SIRT1: variants seen among roughly 807,000 people sequenced by gnomAD.
The protein encoded by SIRT1 is NAD-dependent protein deacetylase sirtuin-1.
A neutral mutation model predicts 67.9 loss-of-function variants in SIRT1; 24 were observed. That is an observed-to-expected ratio of 0.35 (90% confidence interval 0.26 to 0.50). The LOEUF (loss-of-function observed/expected upper bound fraction) is 0.50. Among genes scored for constraint, SIRT1 ranks in the 20% least tolerant of loss-of-function variants. The probability of loss-of-function intolerance (pLI) is 0.98; values close to 1 mark genes in which losing one functional copy is unlikely to be tolerated. For synonymous variants in SIRT1, 378 were observed against 350.7 expected, an observed-to-expected ratio of 1.08 and a Z score of -0.87; for missense variants, 873 against 937.2, an observed-to-expected ratio of 0.93 and a Z score of 0.89.
intron 5 of SIRT1, 25 bp downstream of exon 5, chr10:67,906,962 C>G: frequency 6.6e-7 from 1 of 1,525,442 alleles, no homozygotes; most frequent in African/African-American, 1.4e-5. Flanking sequence ...GAGTGGTTTT[C>G]TGTAATTTAT....
In SIRT1 at chr10:67,909,302, T is replaced by C. The variant is rs1715837367; in HGVS notation, c.1217T>C (p.Ile406Thr). 1 of 1,612,878 alleles carries C rather than the reference T, an allele frequency of 6.2e-7. No homozygotes were observed. Among genetic ancestry groups the C allele is most frequent in the Non-Finnish European group, 8.5e-7 (1 of 1,179,656 alleles). The change falls in exon 7 of 9, where the codon ATC (isoleucine) becomes ACC (threonine). Residue 406 changes from isoleucine to threonine, a missense_variant. Physicochemically the swap from Ile to Thr is moderately conservative, Grantham distance 89. This residue lies in a region of SIRT1 where 251 missense variants were observed against 358.8 expected (regional missense o/e 0.70). Transcript: ENST00000212015. ...TGCCCAGCTGATGAACCGCTTGCTA[T>C]CATGAAACCAGAGATTGTGTTTTTT... is the stretch of plus-strand genomic sequence containing the variant. ...PRCPADEPLA[I>T]MKPEIVFFGE...
chr10:67,891,299 A>T, intron 3 of SIRT1, 103 bp from the exon 4 acceptor site: 2 of 990,802 alleles, frequency 2.0e-6, no homozygotes, highest in Non-Finnish European at 3.0e-6. Flanking sequence ...TTCAGACTAA[A>T]ATTTTCTTTC....
chr10:67,905,202 C>A (rs10997868), intron 4 of SIRT1, among the ~76,000 whole-genome samples: 71,267 of 152,072 alleles, frequency 0.47, 20,722 homozygotes, highest in Non-Finnish European at 0.66. Context: ...CCAGAGGGAG[C>A]TTTAATGAGA....
At chr10:67,892,349 T>A (rs1240748968) in intron 4 of SIRT1, among the ~76,000 whole-genome samples, 1 of 152,108 alleles carries the variant, frequency 6.6e-6, no homozygotes, top group Non-Finnish European at 1.5e-5. Flanking sequence ...GGTGGGAGGA[T>A]CAGTTGAGCC....
At position 67,912,578 on chromosome 10, in the gene SIRT1, G is replaced by C. The variant is rs771126114; in HGVS notation, c.1462G>C (p.Glu488Gln). The C allele has an allele frequency of 8.1e-6, 13 of 1,614,060 alleles. No individual in the cohort carries two copies. The South Asian group carries it at 1.4e-4, about 18-fold the overall frequency. The change falls in exon 8 of 9, where the codon GAA becomes CAA. Residue 488 changes from glutamate (E) to glutamine (Q), a missense_variant. Glu to Gln is a conservative substitution (Grantham distance 29, BLOSUM62 2). Around this residue, in one of 3 missense-constraint regions of SIRT1, gnomAD observed 251 missense variants for 358.8 expected, o/e 0.70. Transcript: ENST00000212015. ...LLGDCDVIIN[E>Q]LCHRLGGEYA... ...TGGAGACTGTGATGTCATAATTAAT[G>C]AATTGTGTCATAGGTTAGGTGGTGA...
intron 4 of SIRT1, among the ~76,000 whole-genome samples, chr10:67,895,257 T>TA (rs896063608): frequency 6.6e-6 from 1 of 151,950 alleles, no homozygotes; most frequent in African/African-American, 2.4e-5. Context: ...CCGTCTCTAA[T>TA]AAAAAATACA....
intron 4 of SIRT1, among the ~76,000 whole-genome samples, chr10:67,892,956 A>T (rs1310957780): frequency 6.6e-6 from 1 of 152,236 alleles, no homozygotes; most frequent in East Asian, 1.9e-4. Context: ...TATGTCTCAC[A>T]TTATGTACCT....
chr10:67,896,465 A>G (rs1419263553), intron 4 of SIRT1, among the ~76,000 whole-genome samples: 12 of 152,046 alleles, frequency 7.9e-5, no homozygotes, highest in Non-Finnish European at 4.4e-5. Flanking sequence ...TTTATTTGCT[A>G]TGGGGAACTT....
intron 4 of SIRT1, among the ~76,000 whole-genome samples, chr10:67,903,639 G>A (rs761797362): frequency 6.6e-6 from 1 of 152,020 alleles, no homozygotes; most frequent in East Asian, 1.9e-4. Flanking sequence ...CGCCGACCTC[G>A]GCCACCCAAA....
chr10:67,891,024 T>C (rs1361865216), intron 3 of SIRT1, among the ~76,000 whole-genome samples: 2 of 132,358 alleles, frequency 1.5e-5, no homozygotes, highest in Non-Finnish European at 3.1e-5. Context: ...TGTGAGACTC[T>C]GTCTCAAAAA....
intron 8 of SIRT1, among the ~76,000 whole-genome samples, chr10:67,914,680 A>T (rs1200115287): frequency 6.6e-6 from 1 of 152,044 alleles, no homozygotes; most frequent in Non-Finnish European, 1.5e-5. Context: ...CAGGAAACAG[A>T]GTTAACCTGG....
intron 4 of SIRT1, among the ~76,000 whole-genome samples, chr10:67,904,131 T>TG (rs1056402126): frequency 2.8e-3 from 405 of 143,390 alleles, no homozygotes; most frequent in African/African-American, 9.7e-3. Flanking sequence ...TTGTTTGTTT[T>TG]TTTTTTTTTT....
intron 4 of SIRT1, among the ~76,000 whole-genome samples, chr10:67,894,784 A>C (rs576886247): frequency 6.6e-6 from 1 of 152,040 alleles, no homozygotes; most frequent in Non-Finnish European, 1.5e-5. Context: ...ATCTCGGCTC[A>C]CTGCATCCTC....
intron 8 of SIRT1, among the ~76,000 whole-genome samples, chr10:67,915,738 TAACAC>T (rs142214266): frequency 0.029 from 4,468 of 152,326 alleles, 80 homozygotes; most frequent in Middle Eastern, 0.044. Context: ...AGAAGCTACT[TAACAC>T]AAATTGGGTA....
intron 8 of SIRT1, among the ~76,000 whole-genome samples, chr10:67,915,191 A>G (rs1462001353): frequency 6.6e-6 from 1 of 152,164 alleles, no homozygotes; most frequent in Non-Finnish European, 1.5e-5. Context: ...GCAGTATGAA[A>G]AAGTTCGAGA....
In SIRT1 at chr10:67,885,115, G is replaced by A. The variant is rs1427006382; in HGVS notation, c.394G>A (p.Glu132Lys). 2.1e-6 allele frequency: 3 copies of A among 1,443,504 alleles called. No homozygotes were observed. Among genetic ancestry groups the A allele is most frequent in the Non-Finnish European group, 2.7e-6 (3 of 1,093,404 alleles). The allele number at this position is 1,443,504 out of a possible 1,614,324, so 89.4% of individuals were successfully genotyped here. The change falls in exon 1 of 9, where the codon GAG becomes AAG. Residue 132 changes from glutamate to lysine, a missense_variant. Coordinates refer to ENST00000212015, the MANE Select transcript of SIRT1 (RefSeq NM_012238.5). ...DEDDDDEGEE[E>K]EEAAAAAIGY... The stretch of plus-strand genomic sequence containing the variant: ...AGACGACGACGACGAGGGCGAGGAG[G>A]AGGAAGAGGCGGCGGCGGCGGCGAT...
At chr10:67,909,142 G>T (rs912902432) in intron 6 of SIRT1, 114 bp from the exon 7 acceptor site, 11 of 629,184 alleles carry the variant, frequency 1.7e-5, no homozygotes, top group East Asian at 6.6e-5. Flanking sequence ...TTTCTGTTTT[G>T]TTTTTTTTTT....
chr10:67,912,677 T>C lies in SIRT1; in HGVS notation c.1561T>C (p.Leu521=), dbSNP rs1252116412. 1.2e-6 allele frequency: 2 copies of C among 1,614,012 alleles called. No homozygotes were observed. Among genetic ancestry groups the C allele is most frequent in the African/African-American group, 2.7e-5 (2 of 74,914 alleles). Residue 521 remains leucine (L), a synonymous_variant, in exon 8 of 9, where the codon TTG becomes CTG. Transcript: ENST00000212015. ...AAAACCTCCACGAACACAAAAAGAA[T>C]TGGCTTATTTGTCAGAGTTGCCACC... The part of the protein sequence containing the change: ...TEKPPRTQKE[L]AYLSELPPTP...
intron 3 of SIRT1, among the ~76,000 whole-genome samples, chr10:67,889,547 A>C (rs539078955): frequency 6.6e-6 from 1 of 152,264 alleles, no homozygotes; most frequent in South Asian, 2.1e-4. Context: ...ACAGATTCCT[A>C]CCTTCCCTCC....
Sources: gnomAD v4.1 joint callset for allele counts (sites outside exome capture counted in the v4.1 genomes callset) on GRCh38, gnomAD v4.1.1 for gene constraint, gnomAD v4.1.1 regional missense constraint, MANE v1.5 for transcripts, NCBI Gene and HGNC (gene_info 2026-07-23, HGNC 2026-07-21) for gene names.